Variants in SLC12A6 observed in about 807,000 individuals in gnomAD.
The protein encoded by SLC12A6 is K-Cl cotransporter 3.
A neutral mutation model predicts 135.3 loss-of-function variants in SLC12A6; 66 were observed. The observed-to-expected ratio is 0.49, with a 90% CI of 0.40 to 0.60. The LOEUF (loss-of-function observed/expected upper bound fraction) is 0.60. Ranked by LOEUF, SLC12A6 falls within the 20% of genes least tolerant of loss-of-function variation. SLC12A6 has a pLI of 0.00. For missense variants in SLC12A6, 1,058 were observed against 1,452.3 expected, an observed-to-expected ratio of 0.73 and a Z score of 4.41; for synonymous variants, 513 against 508.8, an observed-to-expected ratio of 1.01 and a Z score of -0.11.
At position 34,242,181 on chromosome 15, in the gene SLC12A6, T is replaced by C; in HGVS notation, c.2083A>G (p.Met695Val). ...FMGMSICLAL[M>V]FISSWYYAIV... ...GCATAATACCAGGAAGAAATGAACA[T>C]CAGAGCCAGACAGATACTCATTCCC... The change falls in exon 17 of 26, where the codon ATG becomes GTG. Residue 695 changes from methionine to valine, a missense_variant. Met to Val is a conservative substitution (Grantham distance 21). This residue lies in a region of SLC12A6 where 170 missense variants were observed against 297.6 expected (regional missense o/e 0.57). Coordinates refer to ENST00000354181, the MANE Select transcript of SLC12A6 (RefSeq NM_001365088.1). 1 of 1,598,200 alleles carries C rather than the reference T, an allele frequency of 6.3e-7. No homozygotes were observed. The highest frequency in any genetic ancestry group is 8.6e-7 in the Non-Finnish European group (1 of 1,165,884).
chr15:34,261,766 A>G (rs1447221757), intron 3 of SLC12A6, among the ~76,000 whole-genome samples: 1 of 152,262 alleles, frequency 6.6e-6, no homozygotes, highest in Admixed American at 6.5e-5. Context: ...TATAAATTAT[A>G]TGAAGTTTTG....
chr15:34,293,907 C>T (rs929420610), intron 2 of SLC12A6, among the ~76,000 whole-genome samples: 1 of 152,182 alleles, frequency 6.6e-6, no homozygotes, highest in Admixed American at 6.5e-5. Context: ...CCAGCCAGGG[C>T]TGATAGGTAA....
intron 3 of SLC12A6, among the ~76,000 whole-genome samples, chr15:34,263,440 GA>G (rs972796688): frequency 2.0e-5 from 3 of 151,312 alleles, no homozygotes; most frequent in Admixed American, 6.6e-5. Flanking sequence ...GTTGAAAAAA[GA>G]AAAAAAATTA....
chr15:34,290,284 G>C (rs1033181593), intron 2 of SLC12A6, among the ~76,000 whole-genome samples: 14 of 152,262 alleles, frequency 9.2e-5, no homozygotes, highest in African/African-American at 3.4e-4. Flanking sequence ...GTAGTTGCGT[G>C]GTTTTGAGTG....
intron 2 of SLC12A6, among the ~76,000 whole-genome samples, chr15:34,323,824 A>G (rs1355608129): frequency 6.6e-6 from 1 of 151,934 alleles, no homozygotes; most frequent in Non-Finnish European, 1.5e-5. Context: ...TTGCTACTGA[A>G]TACCTGTAGT....
intron 3 of SLC12A6, among the ~76,000 whole-genome samples, chr15:34,261,726 GCTCT>G: frequency 6.6e-6 from 1 of 152,310 alleles, no homozygotes. Flanking sequence ...GACAGTAAAA[GCTCT>G]CTGCCTCCAC....
chr15:34,269,965 CTTCA>C (rs1196074745), intron 3 of SLC12A6, among the ~76,000 whole-genome samples: 5 of 152,074 alleles, frequency 3.3e-5, no homozygotes, highest in African/African-American at 4.8e-5. Flanking sequence ...ATTATTGTTC[CTTCA>C]TTTATTAGCT....
At chr15:34,281,513 G>A (rs1192560621) in intron 2 of SLC12A6, among the ~76,000 whole-genome samples, 1 of 152,150 alleles carries the variant, frequency 6.6e-6, no homozygotes, top group Non-Finnish European at 1.5e-5. Flanking sequence ...GAGTAAGCCG[G>A]GTGCAGTGGC....
At chr15:34,237,692 G>C (rs1891364355) in intron 21 of SLC12A6, 142 bp from the exon 22 acceptor site, 2 of 685,466 alleles carry the variant, frequency 2.9e-6, no homozygotes, top group South Asian at 3.0e-5. Flanking sequence ...TACTTGCTAT[G>C]TTATTGTATT....
intron 2 of SLC12A6, among the ~76,000 whole-genome samples, chr15:34,327,422 T>C (rs1191049284): frequency 6.6e-6 from 1 of 152,056 alleles, no homozygotes; most frequent in Non-Finnish European, 1.5e-5. Flanking sequence ...ATCCCAGCAC[T>C]TTGGGAGGCC....
At position 34,257,784 on chromosome 15, in the gene SLC12A6, G is replaced by A. The variant is rs1186792538; in HGVS notation, c.548C>T (p.Pro183Leu). ...GACACCCATGAAGGTACCCATTTGG[G>A]GGGTCTAGAAAGAAAGACATTGATA... is the stretch of plus-strand genomic sequence containing the variant. ...TEGKKKPTKT[P>L]QMGTFMGVYL... The change falls in exon 6 of 26, where the codon CCC becomes CTC. Residue 183 changes from proline (P) to leucine (L), a missense_variant. By Grantham distance (98) the Pro-to-Leu change is moderately conservative. This residue lies in a region of SLC12A6 where 139 missense variants were observed against 202.2 expected (regional missense o/e 0.69). Coordinates refer to ENST00000354181, the MANE Select transcript of SLC12A6 (RefSeq NM_001365088.1). 1 of 1,603,054 alleles carries A rather than the reference G, an allele frequency of 6.2e-7. No individual in the cohort carries two copies. Among genetic ancestry groups the A allele is most frequent in the South Asian group, 1.1e-5 (1 of 90,810 alleles).
At chr15:34,254,775 T>C (rs1014939609) in intron 8 of SLC12A6, among the ~76,000 whole-genome samples, 186 bp from the exon 9 acceptor site, 2 of 151,994 alleles carry the variant, frequency 1.3e-5, no homozygotes, top group African/African-American at 4.8e-5. Flanking sequence ...ATTTTTTTTT[T>C]TTTTTTGGTC....
chr15:34,257,606 G>A (rs200288561), intron 6 of SLC12A6, 36 bp downstream of exon 6: 122 of 1,588,958 alleles, frequency 7.7e-5, no homozygotes, highest in Non-Finnish European at 1.0e-4. Flanking sequence ...AACTTGCAAC[G>A]TTCAGGTGAT....
At chr15:34,254,020 CT>C (rs1892574261) in intron 9 of SLC12A6, among the ~76,000 whole-genome samples, 1 of 152,134 alleles carries the variant, frequency 6.6e-6, no homozygotes, top group Non-Finnish European at 1.5e-5. Flanking sequence ...AATAACTACA[CT>C]GTCTGCAAAG....
intron 6 of SLC12A6, 100 bp from the exon 7 acceptor site, chr15:34,256,383 C>T: frequency 1.2e-6 from 1 of 800,210 alleles, no homozygotes; most frequent in South Asian, 1.4e-5. Context: ...AAACATTTAA[C>T]TCTACCTACT....
At chr15:34,303,437 A>C (rs1896393159) in intron 2 of SLC12A6, among the ~76,000 whole-genome samples, 1 of 152,204 alleles carries the variant, frequency 6.6e-6, no homozygotes, top group African/African-American at 2.4e-5. Context: ...ATCATATATA[A>C]ACTTTTGAGA....
intron 2 of SLC12A6, among the ~76,000 whole-genome samples, chr15:34,328,240 A>AT (rs538325187): frequency 3.9e-4 from 60 of 152,292 alleles, no homozygotes; most frequent in Non-Finnish European, 7.2e-4. Context: ...CAGCCGTTAC[A>AT]TTTTTTTCAG....
intron 13 of SLC12A6, among the ~76,000 whole-genome samples, chr15:34,248,118 G>T (rs1595425032): frequency 1.3e-5 from 2 of 152,112 alleles, no homozygotes; most frequent in Non-Finnish European, 1.5e-5. Flanking sequence ...GAATTTTTTT[G>T]GGGGGAGGTG....
chr15:34,241,483 A>T, intron 17 of SLC12A6, 146 bp from the exon 18 acceptor site: 1 of 638,318 alleles, frequency 1.6e-6, no homozygotes, highest in Non-Finnish European at 2.8e-6. Flanking sequence ...AATGTTCTTT[A>T]CTAACATAAT....
Sources: allele counts gnomAD v4.1 joint callset (sites outside exome capture counted in the v4.1 genomes callset), GRCh38; gene constraint gnomAD v4.1.1; regional missense constraint gnomAD v4.1.1; transcripts MANE v1.5; gene names NCBI Gene and HGNC (gene_info 2026-07-23, HGNC 2026-07-21).